The following SLC25A26 variants were observed in gnomAD, a reference collection of about 807,000 sequenced individuals.
The protein encoded by SLC25A26 is solute carrier family 25 member 26.
A neutral mutation model predicts 37.8 loss-of-function variants in SLC25A26; 36 were observed. That is an observed-to-expected ratio of 0.95 (90% CI 0.73 to 1.26). The LOEUF is 1.26. Ranked by LOEUF, SLC25A26 falls within the 50% of genes most tolerant of loss-of-function variation. The pLI is 0.00. For synonymous variants in SLC25A26, 129 were observed against 122.5 expected, an observed-to-expected ratio of 1.05 and a Z score of -0.35; for missense variants, 390 against 331.1, an observed-to-expected ratio of 1.18 and a Z score of -1.38.
chr3:66,241,723 G>A (rs566231976), intron 2 of SLC25A26, among the ~76,000 whole-genome samples: 9 of 152,162 alleles, frequency 5.9e-5, no homozygotes, highest in East Asian at 1.9e-4. Context: ...TATTGGTTAC[G>A]GTTTTAATCT....
chr3:66,358,108 T>A (rs1275679074), intron 6 of SLC25A26, among the ~76,000 whole-genome samples: 1 of 152,256 alleles, frequency 6.6e-6, no homozygotes, highest in Non-Finnish European at 1.5e-5. Context: ...ATTATGTGAA[T>A]GTCATAATCA....
chr3:66,161,520 A>G (rs567797984), intron 1 of SLC25A26, among the ~76,000 whole-genome samples: 3 of 152,210 alleles, frequency 2.0e-5, no homozygotes, highest in Non-Finnish European at 4.4e-5. Flanking sequence ...TCCAGGGTCA[A>G]GTATGGGAAA....
At chr3:66,271,399 T>C (rs979047010) in intron 5 of SLC25A26, among the ~76,000 whole-genome samples, 1 of 152,176 alleles carries the variant, frequency 6.6e-6, no homozygotes, top group South Asian at 2.1e-4. Context: ...TTTAATGCTC[T>C]GGCTAATTGA....
In SLC25A26 at chr3:66,231,334, A is replaced by T. The variant is rs782708536; in HGVS notation, c.34-5210A>T. Among the ~76,000 whole-genome samples, 6 of 152,178 alleles carry T rather than the reference A, an allele frequency of 3.9e-5. No homozygotes were observed. The South Asian group carries it at 1.2e-3, about 32-fold the overall frequency. ...AGTTACCGTTTGCTGAGTGGCTTCT[A>T]TATATCAAGTACAACCAGTAAATTA... is the stretch of plus-strand genomic sequence containing the variant. On this transcript the variant is annotated intron_variant, in intron 1 of 9. Coordinates refer to ENST00000354883, the MANE Select transcript of SLC25A26 (RefSeq NM_001379210.1).
At chr3:66,359,729 G>T (rs1323756683) in intron 6 of SLC25A26, among the ~76,000 whole-genome samples, 1 of 152,176 alleles carries the variant, frequency 6.6e-6, no homozygotes, top group East Asian at 1.9e-4. Flanking sequence ...GCTTCTAGGA[G>T]CTCTGGAAAA....
At chr3:66,287,365 T>G (rs1454477998) in intron 5 of SLC25A26, among the ~76,000 whole-genome samples, 3 of 152,222 alleles carry the variant, frequency 2.0e-5, no homozygotes, top group Admixed American at 1.3e-4. Flanking sequence ...TTGTTCCTTT[T>G]TCTTTTTTAA....
chr3:66,167,340 G>C (rs772629329), intron 1 of SLC25A26, among the ~76,000 whole-genome samples: 9 of 152,228 alleles, frequency 5.9e-5, no homozygotes, highest in East Asian at 1.9e-4. Flanking sequence ...ATCTGCAACA[G>C]GAGAAAATGA....
intron 1 of SLC25A26, among the ~76,000 whole-genome samples, chr3:66,134,486 T>C (rs1021854029): frequency 2.0e-5 from 3 of 152,114 alleles, no homozygotes; most frequent in Non-Finnish European, 2.9e-5. Context: ...AGTGGGAAAA[T>C]GTTGACAGAC....
intron 1 of SLC25A26, among the ~76,000 whole-genome samples, chr3:66,204,443 A>AAAAAAAAG (rs2071151083): frequency 2.8e-4 from 42 of 148,098 alleles, no homozygotes; most frequent in Non-Finnish European, 5.3e-4. Context: ...AAAAAAAGAA[A>AAAAAAAAG]AAAAGAAAAA....
rs1014005231 is a variant in SLC25A26 at position 66,196,479 on chromosome 3, C to T, written c.-353-24263C>T. Among the ~76,000 whole-genome samples, 156 of 152,210 alleles carry T rather than the reference C, an allele frequency of 1.0e-3. 5 individuals are homozygous for T. The highest frequency in any genetic ancestry group is 3.4e-3 in the African/African-American group (143 of 41,512). Reference sequence around the variant, plus strand: ...GAAAGTACCTGTTATAGAATGTAATCTTTTGTTGGGTGACTTGGGGAAGGG... The same window carrying T: ...GAAAGTACCTGTTATAGAATGTAATTTTTTGTTGGGTGACTTGGGGAAGGG... On this transcript the variant is annotated intron_variant, in intron 1 of 10. Coordinates refer to the SLC25A26 transcript ENST00000676754.
chr3:66,197,357 G>T (rs1468863817), intron 1 of SLC25A26, among the ~76,000 whole-genome samples: 2 of 152,054 alleles, frequency 1.3e-5, no homozygotes, highest in Non-Finnish European at 2.9e-5. Flanking sequence ...GTCAAGGTTG[G>T]GTCATGGTGA....
At chr3:66,230,237 G>A (rs2071949610) in intron 1 of SLC25A26, among the ~76,000 whole-genome samples, 1 of 152,188 alleles carries the variant, frequency 6.6e-6, no homozygotes, top group African/African-American at 2.4e-5. Flanking sequence ...AGACATGATG[G>A]TTAGTACCAA....
At chr3:66,352,438 T>TG (rs1264383115) in intron 6 of SLC25A26, among the ~76,000 whole-genome samples, 4 of 137,574 alleles carry the variant, frequency 2.9e-5, no homozygotes, top group African/African-American at 8.3e-5. Flanking sequence ...GTTTTTTGTT[T>TG]TTTGTTTTTT....
intron 6 of SLC25A26, among the ~76,000 whole-genome samples, chr3:66,354,893 TC>T (rs967018176): frequency 1.3e-5 from 2 of 152,216 alleles, no homozygotes; most frequent in African/African-American, 4.8e-5. Flanking sequence ...GACTTGCTCC[TC>T]CTTGCCTTCT....
chr3:66,351,114 A>G (rs1398386127), intron 6 of SLC25A26, among the ~76,000 whole-genome samples: 3 of 152,150 alleles, frequency 2.0e-5, no homozygotes, highest in African/African-American at 4.8e-5. Context: ...GCATGTCACA[A>G]GAATGCAAAG....
intron 1 of SLC25A26, among the ~76,000 whole-genome samples, chr3:66,146,804 T>C (rs1442332529): frequency 6.6e-6 from 1 of 152,178 alleles, no homozygotes; most frequent in Non-Finnish European, 1.5e-5. Flanking sequence ...TACATTGTAC[T>C]CACTATGTAG....
intron 1 of SLC25A26, among the ~76,000 whole-genome samples, chr3:66,230,471 G>A (rs982600320): frequency 2.4e-4 from 36 of 152,154 alleles, no homozygotes; most frequent in Non-Finnish European, 5.1e-4. Context: ...GGAGGCGATG[G>A]TGGTTTGCTG....
intron 1 of SLC25A26, among the ~76,000 whole-genome samples, chr3:66,209,085 A>C (rs2071232142): frequency 2.2e-4 from 3 of 13,498 alleles, no homozygotes; most frequent in African/African-American, 4.7e-4. Flanking sequence ...CACCCATATA[A>C]AGATGTATAT....
intron 3 of SLC25A26, among the ~76,000 whole-genome samples, chr3:66,254,873 C>T (rs562969477): frequency 2.0e-5 from 3 of 152,130 alleles, no homozygotes; most frequent in Non-Finnish European, 2.9e-5. Flanking sequence ...GAAATAGTTG[C>T]GAAGAAGATG....
Sources: allele counts gnomAD v4.1 joint callset (sites outside exome capture counted in the v4.1 genomes callset), GRCh38; gene constraint gnomAD v4.1.1; transcripts MANE v1.5; gene names NCBI Gene and HGNC (gene_info 2026-07-23, HGNC 2026-07-21).